Variants in ANAPC5 observed in about 807,000 individuals in gnomAD.
ANAPC5 encodes anaphase-promoting complex subunit 5.
In ANAPC5, 60 loss-of-function variants were observed where a neutral mutation model predicts 91.3. The ratio of observed to expected loss-of-function variants is 0.66; its 90% CI spans 0.53 to 0.81. ANAPC5 has a LOEUF of 0.81. Among genes scored for constraint, ANAPC5 ranks in the 40% least tolerant of loss-of-function variants. The pLI is 0.00. For missense variants in ANAPC5, 690 were observed against 931.5 expected (o/e 0.74, Z 3.37); for synonymous variants, 340 against 364.1 (o/e 0.93, Z 0.75).
intron 11 of ANAPC5, among the ~76,000 whole-genome samples, chr12:121,323,729 C>T: frequency 1.3e-5 from 2 of 152,302 alleles, no homozygotes; most frequent in South Asian, 4.1e-4. Flanking sequence ...GCTCAGGCCA[C>T]ATGTGGACTT....
At chr12:121,348,907 A>T (rs995370650) in intron 1 of ANAPC5, among the ~76,000 whole-genome samples, 5 of 152,254 alleles carry the variant, frequency 3.3e-5, no homozygotes, top group African/African-American at 1.2e-4. Flanking sequence ...ATAAAGACTT[A>T]ATTTATAATA....
intron 4 of ANAPC5, among the ~76,000 whole-genome samples, chr12:121,344,010 A>C (rs1903561384): frequency 6.6e-6 from 1 of 152,226 alleles, no homozygotes; most frequent in South Asian, 2.1e-4. Context: ...AAGGAGAAGT[A>C]AAACAGCAAA....
At chr12:121,352,990 G>T (rs1372030548), upstream of ANAPC5, among the ~76,000 whole-genome samples, 1 of 152,094 alleles carries the variant, frequency 6.6e-6, no homozygotes, top group Non-Finnish European at 1.5e-5. Context: ...CTTAAAGTAT[G>T]TATTTATTAT....
At position 121,328,624 on chromosome 12, in the gene ANAPC5, G is replaced by A; in HGVS notation, c.1123-127C>T. ...AGTGACAGCACTATTTAAAAGGAAAGTACCTATAACCTGGCCTTAACCCTG... is the reference window on the plus strand; with the variant it reads ...AGTGACAGCACTATTTAAAAGGAAAATACCTATAACCTGGCCTTAACCCTG... On this transcript the variant is annotated intron_variant, in intron 9 of 16. Coordinates refer to ENST00000261819, the MANE Select transcript of ANAPC5 (RefSeq NM_016237.5). 4 of 879,786 alleles carry A rather than the reference G, an allele frequency of 4.5e-6. No homozygotes were observed. The South Asian group carries it at 5.1e-5, about 11-fold the overall frequency. 54.5% of individuals were successfully genotyped at this position (879,786 alleles called of 1,614,324 possible). A position where few individuals can be genotyped will look rare whatever the true frequency, so the allele number is the denominator to read the frequency against.
intron 15 of ANAPC5, among the ~76,000 whole-genome samples, chr12:121,313,690 T>C (rs907360187): frequency 6.6e-6 from 1 of 152,118 alleles, no homozygotes; most frequent in South Asian, 2.1e-4. Flanking sequence ...ACTACTAAAA[T>C]TGACTCAAGA....
At chr12:121,347,054 T>C (rs1555274792) in intron 2 of ANAPC5, 49 bp from the exon 3 acceptor site, 1 of 1,167,402 alleles carries the variant, frequency 8.6e-7, no homozygotes, top group Admixed American at 2.2e-5. Context: ...CTTTGAATAA[T>C]TTCTCATGTT....
At chr12:121,322,708 C>T (rs1023575550) in intron 11 of ANAPC5, among the ~76,000 whole-genome samples, 16 of 151,984 alleles carry the variant, frequency 1.1e-4, no homozygotes, top group African/African-American at 3.9e-4. Flanking sequence ...CATACTGGTC[C>T]AATTATTTCC....
At chr12:121,313,504 C>G (rs1902248482) in intron 15 of ANAPC5, among the ~76,000 whole-genome samples, 2 of 152,062 alleles carry the variant, frequency 1.3e-5, no homozygotes, top group Admixed American at 1.3e-4. Context: ...AATTGATAAA[C>G]TGTTAGACTG....
Position 121,342,536 on chromosome 12 carries a change from T to C in ANAPC5, c.591-467A>G, listed in dbSNP as rs1427981168. ...TAATAAAAAATAAATAATACATTTTTAAATAAAAAAAATTAAAAACTCTTA... is the reference window on the plus strand; with the variant it reads ...TAATAAAAAATAAATAATACATTTTCAAATAAAAAAAATTAAAAACTCTTA... On this transcript the variant is annotated intron_variant, in intron 4 of 16. Coordinates refer to ENST00000261819, the MANE Select transcript of ANAPC5 (RefSeq NM_016237.5). The surrounding 1 kb of genome is among the most constrained non-coding windows in gnomAD (Gnocchi z 4.1). Among the ~76,000 whole-genome samples, 1 of 152,110 alleles carries C rather than the reference T, an allele frequency of 6.6e-6. No homozygotes were observed. Among genetic ancestry groups the C allele is most frequent in the Non-Finnish European group, 1.5e-5 (1 of 68,018 alleles).
intron 5 of ANAPC5, 21 bp downstream of exon 5, chr12:121,341,982 T>C (rs1462335248): frequency 1.3e-6 from 2 of 1,591,266 alleles, no homozygotes; most frequent in South Asian, 1.1e-5. Context: ...AAGTTCATGA[T>C]AAATTACAGA....
intron 15 of ANAPC5, among the ~76,000 whole-genome samples, chr12:121,314,400 CA>C (rs769682963): frequency 6.3e-4 from 96 of 151,952 alleles, no homozygotes; most frequent in Non-Finnish European, 1.0e-3. Flanking sequence ...AACAGAGTGA[CA>C]CTCTATCTCA....
In ANAPC5 at chr12:121,349,743, G is replaced by A. The variant is rs191502632; in HGVS notation, c.208-1862C>T. On this transcript the variant is annotated intron_variant, in intron 1 of 16. Coordinates refer to ENST00000261819, the MANE Select transcript of ANAPC5 (RefSeq NM_016237.5). ...CTATTTTTTTTTTTTTTTTGGAGAC[G>A]GATGCCCAGGCTGGAGTGCAGTGAT... 4.2e-3 allele frequency among the ~76,000 whole-genome samples: 594 copies of A among 140,596 alleles called. 6 individuals carry two copies. The highest frequency in any genetic ancestry group is 7.5e-3 in the Middle Eastern group (2 of 266). The allele number at this position is 140,596 out of a possible 152,430, so 92.2% of individuals were successfully genotyped here. A position where few individuals can be genotyped will look rare whatever the true frequency, so the allele number is the denominator to read the frequency against.
chr12:121,328,761 T>C, intron 9 of ANAPC5: 1 of 344,044 alleles, frequency 2.9e-6, no homozygotes, highest in Non-Finnish European at 5.4e-6. Flanking sequence ...AAACACTGCC[T>C]CTGCTACTTA....
At chr12:121,337,781 C>T (rs956199931) in intron 5 of ANAPC5, among the ~76,000 whole-genome samples, 25 of 152,114 alleles carry the variant, frequency 1.6e-4, no homozygotes, top group African/African-American at 6.0e-4. Context: ...AAGCCCTCTG[C>T]ACTTACCCCC....
intron 15 of ANAPC5, among the ~76,000 whole-genome samples, chr12:121,313,160 T>C (rs1902237866): frequency 6.6e-6 from 1 of 151,672 alleles, no homozygotes. Flanking sequence ...ACCCCGTCTC[T>C]ATTAAAATTA....
Position 121,346,953 on chromosome 12 carries a change from C to A in ANAPC5, c.340G>T (p.Asp114Tyr). 1 of 1,611,740 alleles carries A rather than the reference C, an allele frequency of 6.2e-7. No homozygotes were observed. Among genetic ancestry groups the A allele is most frequent in the Non-Finnish European group, 8.5e-7 (1 of 1,179,354 alleles). ...GTTCCAGAGAAAGAATCTGAAAGGT[C>A]ATCAAAAAACTGTTCCATATCCTTC... ...ELKDMEQFFD[D>Y]LSDSFSGTEP... is the part of the protein sequence containing the mutation. The change falls in exon 3 of 17, where the codon GAC becomes TAC. Residue 114 changes from aspartate to tyrosine, a missense_variant. Asp to Tyr is a radical substitution (Grantham distance 160). Around this residue, in one of 5 missense-constraint regions of ANAPC5, gnomAD observed 238 missense variants for 264.9 expected, o/e 0.90. Coordinates refer to ENST00000261819, the MANE Select transcript of ANAPC5 (RefSeq NM_016237.5).
intron 5 of ANAPC5, among the ~76,000 whole-genome samples, chr12:121,340,560 G>A (rs552385539): frequency 1.7e-4 from 25 of 145,334 alleles, no homozygotes; most frequent in Non-Finnish European, 2.5e-4. Context: ...TTTTTGAGAC[G>A]GAGTCTCACT....
intron 7 of ANAPC5, chr12:121,332,798 T>G (rs1903092115): frequency 6.6e-6 from 1 of 152,166 alleles, no homozygotes; most frequent in Non-Finnish European, 1.5e-5. Context: ...AATCTACCTC[T>G]CCTCATTTAT....
intron 1 of ANAPC5, among the ~76,000 whole-genome samples, chr12:121,349,842 G>C (rs1262815496): frequency 4.0e-5 from 6 of 151,608 alleles, no homozygotes. Context: ...GAGTAGCTGG[G>C]ACTACAGGCG....
Sources: allele counts gnomAD v4.1 joint callset (sites outside exome capture counted in the v4.1 genomes callset), GRCh38; gene constraint gnomAD v4.1.1; regional missense constraint gnomAD v4.1.1; non-coding constraint Gnocchi (gnomAD v3.1); transcripts MANE v1.5; gene names NCBI Gene and HGNC (gene_info 2026-07-23, HGNC 2026-07-21).